C9orf153: variants seen among roughly 807,000 people sequenced by gnomAD.
C9orf153 encodes chromosome 9 open reading frame 153, also known as uncharacterized protein C9orf153.
A neutral mutation model predicts 9.0 loss-of-function variants in C9orf153; 10 were observed. That is an observed-to-expected ratio of 1.11 (90% CI 0.69 to 1.89). The LOEUF is 1.89. C9orf153 is among the 40% of genes most tolerant of loss of function. The pLI is 0.00. For synonymous variants in C9orf153, 35 were observed against 37.3 expected, an observed-to-expected ratio of 0.94 and a Z score of 0.23; for missense variants, 108 against 111.0, an observed-to-expected ratio of 0.97 and a Z score of 0.12.
At position 86,221,423 on chromosome 9, in the gene C9orf153, G is replaced by T. The variant is rs7020550; in HGVS notation, c.*265C>A. ...CTTCAGATGTTCTATTGGGTACTTG[G>T]CTTCTTTACTTTTTGTGTATTAAAT... On this transcript the variant is annotated 3_prime_UTR_variant, in exon 4 of 4. Coordinates refer to ENST00000339137, the MANE Select transcript of C9orf153 (RefSeq NM_001276366.4). 0.021 allele frequency: 13,436 copies of T among 640,660 alleles called. 1,359 individuals are homozygous for T. In the African/African-American group the frequency reaches 0.22, roughly 11 times the overall value. The allele number at this position is 640,660 out of a possible 1,614,324, so 39.7% of individuals were successfully genotyped here.
At chr9:86,225,722 T>C (rs1044303303) in intron 3 of C9orf153, among the ~76,000 whole-genome samples, 18 of 152,262 alleles carry the variant, frequency 1.2e-4, no homozygotes, top group Admixed American at 7.8e-4. Flanking sequence ...TGACCTCAGG[T>C]GATCCACCCG....
At chr9:86,241,623 A>ATTTCGTTG (rs1168263706) in intron 1 of C9orf153, among the ~76,000 whole-genome samples, 1 of 151,756 alleles carries the variant, frequency 6.6e-6, no homozygotes, top group African/African-American at 2.4e-5. Flanking sequence ...AAAGTCGTAC[A>ATTTCGTTG]TTTCGTTGTT....
chr9:86,231,570 AAC>A (rs914773865), intron 1 of C9orf153, among the ~76,000 whole-genome samples: 6 of 142,734 alleles, frequency 4.2e-5, no homozygotes, highest in East Asian at 2.0e-4. Flanking sequence ...CACACACAAA[AAC>A]ACACACACAC....
chr9:86,256,946 T>C (rs1268126615), intron 1 of C9orf153, among the ~76,000 whole-genome samples: 1 of 151,994 alleles, frequency 6.6e-6, no homozygotes, highest in Non-Finnish European at 1.5e-5. Context: ...ATCACTTGAG[T>C]ACAGGAGTTC....
In C9orf153 at chr9:86,255,271, C is replaced by T. The variant is rs1825096154; in HGVS notation, c.-27+4279G>A. On this transcript the variant is annotated intron_variant, in intron 1 of 3. Coordinates refer to ENST00000339137, the MANE Select transcript of C9orf153 (RefSeq NM_001276366.4). ...TTTTAAAGTTTCAAAGTAGGACTGA[C>T]AGAAATAAAAATATTTTACCCCCAA... 2.0e-5 allele frequency among the ~76,000 whole-genome samples: 3 copies of T among 152,078 alleles called. No homozygotes were observed. The South Asian group carries it at 6.2e-4, about 31-fold the overall frequency.
chr9:86,241,391 T>C (rs1253903793), intron 1 of C9orf153, among the ~76,000 whole-genome samples: 1 of 152,278 alleles, frequency 6.6e-6, no homozygotes, highest in East Asian at 1.9e-4. Context: ...GGGATCCCCA[T>C]CTATTTCAGG....
intron 1 of C9orf153, among the ~76,000 whole-genome samples, chr9:86,246,302 G>A (rs1824862815): frequency 6.6e-6 from 1 of 152,186 alleles, no homozygotes; most frequent in South Asian, 2.1e-4. Flanking sequence ...TCAATCGCAT[G>A]CCATTGATTT....
At chr9:86,228,085 T>C (rs1053074685) in intron 2 of C9orf153, 55 bp from the exon 3 acceptor site, 17 of 1,317,820 alleles carry the variant, frequency 1.3e-5, no homozygotes, top group Non-Finnish European at 1.8e-5. Context: ...TGTAATATTC[T>C]GGCAGACCTA....
At chr9:86,233,845 G>A (rs1045225645) in intron 1 of C9orf153, among the ~76,000 whole-genome samples, 1 of 152,148 alleles carries the variant, frequency 6.6e-6, no homozygotes, top group Non-Finnish European at 1.5e-5. Flanking sequence ...AGCACTTTGC[G>A]GGGCTGAGGC....
rs1363238334 is a variant in C9orf153, at chr9:86,220,567, T to G, written c.*1121A>C. 6.6e-6 allele frequency: 1 copy of G among 152,194 alleles called. No homozygotes were observed. The highest frequency in any genetic ancestry group is 2.4e-5 in the African/African-American group (1 of 41,454). 9.4% of individuals were successfully genotyped at this position (152,194 alleles called of 1,614,324 possible). ...CTCTGACCTCTATTGTTAATGAGCA[T>G]TCTATTGTCAATTTGTCATTTCTTT... On this transcript the variant is annotated 3_prime_UTR_variant, in exon 4 of 4. Transcript: ENST00000339137.
In C9orf153 at chr9:86,221,478, C is replaced by T; in HGVS notation, c.*210G>A. ...GCTCTCAAAAGCAAAAATCTACGTC[C>T]AAAATATTTTAATACACTACATATT... On this transcript the variant is annotated 3_prime_UTR_variant, in exon 4 of 4. Transcript: ENST00000339137. The T allele has an allele frequency of 7.9e-7, 1 of 1,269,010 alleles. No individual in the cohort carries two copies. Among genetic ancestry groups the T allele is most frequent in the Non-Finnish European group, 1.0e-6 (1 of 1,001,780 alleles). The allele number at this position is 1,269,010 out of a possible 1,614,324, so 78.6% of individuals were successfully genotyped here.
At chr9:86,227,592 T>C (rs1165630020) in intron 3 of C9orf153, 3 of 985,248 alleles carry the variant, frequency 3.0e-6, no homozygotes, top group Non-Finnish European at 3.6e-6. Flanking sequence ...GAAATGAACT[T>C]TTCTGGGGTG....
Position 86,229,564 on chromosome 9 carries a change from T to C in C9orf153, c.40A>G (p.Arg14Gly), listed in dbSNP as rs767813645. 1.5e-5 allele frequency: 25 copies of C among 1,612,990 alleles called. No homozygotes were observed. The Admixed American group carries it at 2.7e-4, about 17-fold the overall frequency. ...TGDTSPAEDNREATLPQCSLP... is the reference protein window; with the variant it reads ...TGDTSPAEDNGEATLPQCSLP... The stretch of plus-strand genomic sequence containing the variant: ...GAACATTGAGGAAGGGTGGCTTCTC[T>C]ATTGTCCTCAGCTGGACTGGTGTCT... Residue 14 changes from arginine to glycine, a missense_variant, in exon 2 of 4, where the codon AGA becomes GGA. By Grantham distance (125) the Arg-to-Gly change is moderately radical. Transcript: ENST00000339137.
At chr9:86,236,622 G>A (rs1485526108) in intron 1 of C9orf153, among the ~76,000 whole-genome samples, 2 of 151,340 alleles carry the variant, frequency 1.3e-5, no homozygotes, top group South Asian at 2.1e-4. Context: ...GGAATGTGTT[G>A]CCAGTAGACC....
chr9:86,225,333 CCTTT>C (rs989846949), intron 3 of C9orf153, among the ~76,000 whole-genome samples: 12 of 151,106 alleles, frequency 7.9e-5, no homozygotes, highest in South Asian at 4.2e-4. Context: ...TTCTTTCTTT[CCTTT>C]CTTTCTTTCC....
At position 86,221,652 on chromosome 9, in the gene C9orf153, G is replaced by A; in HGVS notation, c.*36C>T. The stretch of plus-strand genomic sequence containing the variant: ...AGTGTTGTATTTTATGTCTCCGAAT[G>A]AAATTGCAGTAGTGCGCCTCCACTT... On this transcript the variant is annotated 3_prime_UTR_variant, in exon 4 of 4. Transcript: ENST00000339137. The A allele has an allele frequency of 6.5e-7, 1 of 1,542,946 alleles. No individual in the cohort carries two copies. Among genetic ancestry groups the A allele is most frequent in the Non-Finnish European group, 8.7e-7 (1 of 1,143,606 alleles).
At chr9:86,232,701 G>A (rs181111855) in intron 1 of C9orf153, among the ~76,000 whole-genome samples, 32 of 151,932 alleles carry the variant, frequency 2.1e-4, no homozygotes, top group African/African-American at 7.5e-4. Flanking sequence ...CCCACCCAGG[G>A]TGTATATTTT....
At chr9:86,223,952 G>A (rs1824262116) in intron 3 of C9orf153, among the ~76,000 whole-genome samples, 3 of 152,140 alleles carry the variant, frequency 2.0e-5, no homozygotes, top group Non-Finnish European at 4.4e-5. Flanking sequence ...ATAAGTCAAT[G>A]GGTTCAGAGT....
intron 1 of C9orf153, among the ~76,000 whole-genome samples, chr9:86,241,922 G>A (rs972957472): frequency 2.6e-5 from 4 of 152,164 alleles, no homozygotes; most frequent in Admixed American, 1.3e-4. Flanking sequence ...CACTATGCCC[G>A]GCCTCTTGTG....
Sources: gnomAD v4.1 joint callset for allele counts (sites outside exome capture counted in the v4.1 genomes callset) on GRCh38, gnomAD v4.1.1 for gene constraint, MANE v1.5 for transcripts, NCBI Gene and HGNC (gene_info 2026-07-23, HGNC 2026-07-21) for gene names.